Variants in PTK7 observed in about 807,000 individuals in gnomAD.
The protein encoded by PTK7 is inactive tyrosine-protein kinase 7.
A neutral mutation model predicts 116.6 loss-of-function variants in PTK7; 39 were observed. That is an observed-to-expected ratio of 0.33 (90% CI 0.26 to 0.44). PTK7 has a LOEUF of 0.44. Among genes scored for constraint, PTK7 ranks in the 20% least tolerant of loss-of-function variants. The probability of loss-of-function intolerance (pLI) is 1.00; values close to 1 mark genes in which losing one functional copy is unlikely to be tolerated. For synonymous variants in PTK7, 546 were observed against 563.6 expected (o/e 0.97, Z 0.44); for missense variants, 1,169 against 1,425.6 (o/e 0.82, Z 2.90).
chr6:43,138,828 G>A, intron 7 of PTK7, 21 bp from the exon 8 acceptor site: 1 of 1,592,842 alleles, frequency 6.3e-7, no homozygotes. Flanking sequence ...AGCCTTCACT[G>A]TTTCCTTCCT....
At chr6:43,079,091 C>T (rs1766220052) in intron 1 of PTK7, among the ~76,000 whole-genome samples, 1 of 152,084 alleles carries the variant, frequency 6.6e-6, no homozygotes, top group African/African-American at 2.4e-5. Flanking sequence ...GAGTGGTGGA[C>T]AGAGCTCAAG....
intron 17 of PTK7, among the ~76,000 whole-genome samples, chr6:43,156,208 G>A (rs1771414788): frequency 8.2e-6 from 1 of 122,202 alleles, no homozygotes; most frequent in Non-Finnish European, 1.6e-5. Flanking sequence ...CAGCCTGGGT[G>A]ACAGAGCAAT....
chr6:43,154,459 C>T (rs1283613262), intron 17 of PTK7, among the ~76,000 whole-genome samples: 1 of 152,146 alleles, frequency 6.6e-6, no homozygotes, highest in Admixed American at 6.6e-5. Flanking sequence ...CAGTTTGCAT[C>T]ACAACCCAAT....
chr6:43,155,652 A>AT (rs1771383681), intron 17 of PTK7, among the ~76,000 whole-genome samples: 1 of 152,024 alleles, frequency 6.6e-6, no homozygotes, highest in East Asian at 1.9e-4. Flanking sequence ...CATCAAAAAA[A>AT]AAAAAAGTTA....
chr6:43,078,521 A>C (rs1766188882), intron 1 of PTK7, among the ~76,000 whole-genome samples: 1 of 137,016 alleles, frequency 7.3e-6, no homozygotes, highest in Non-Finnish European at 1.5e-5. Context: ...CAGACGCATG[A>C]CTTCAGGGGC....
At chr6:43,081,751 A>G (rs1321837943) in intron 1 of PTK7, among the ~76,000 whole-genome samples, 9 of 152,298 alleles carry the variant, frequency 5.9e-5, no homozygotes, top group African/African-American at 1.9e-4. Flanking sequence ...TGAATGAACC[A>G]TTTGGGTGCA....
Position 43,130,324 on chromosome 6 carries a change from C to G in PTK7, c.565C>G (p.Pro189Ala). 1 of 1,612,734 alleles carries G rather than the reference C, an allele frequency of 6.2e-7. No homozygotes were observed. Among genetic ancestry groups the G allele is most frequent in the South Asian group, 1.1e-5 (1 of 91,036 alleles). ...CAAGGAGCGGAACCTGACGCTCCGG[C>G]CAGCTGGTCCTGAGCATAGTGGGCT... ...SSKERNLTLR[P>A]AGPEHSGLYS... The change falls in exon 4 of 20, where the codon CCA becomes GCA. Residue 189 changes from proline to alanine, a missense_variant. Transcript: ENST00000230419.
Position 43,076,686 on chromosome 6 carries a change from C to T in PTK7, c.79+119C>T. 5.0e-6 allele frequency: 7 copies of T among 1,397,398 alleles called. No homozygotes were observed. Among genetic ancestry groups the T allele is most frequent in the Non-Finnish European group, 4.7e-6 (5 of 1,054,482 alleles). The allele number at this position is 1,397,398 out of a possible 1,614,324, so 86.6% of individuals were successfully genotyped here. A position where few individuals can be genotyped will look rare whatever the true frequency, so the allele number is the denominator to read the frequency against. ...GAACGGCCCTGGAGTAGTGGAGAGG[C>T]TCGCTGGGGGTGCAGGCTTGCGGCG... On this transcript the variant is annotated intron_variant, in intron 1 of 19. Transcript: ENST00000230419. This position sits in a 1 kb window ranked among gnomAD's most constrained non-coding sequence, Gnocchi z 5.7.
In PTK7 at chr6:43,157,354, ATATATATATATTTTTTTTTTTC is replaced by A. The variant is rs1483422010; in HGVS notation, c.2722-1461_2722-1440del. Among the ~76,000 whole-genome samples the A allele has an allele frequency of 5.9e-3, 22 of 3,720 alleles. 2 individuals carry two copies. The highest frequency in any genetic ancestry group is 0.019 in the African/African-American group (20 of 1,056). 2.4% of individuals were successfully genotyped at this position (3,720 alleles called of 152,430 possible). A position where few individuals can be genotyped will look rare whatever the true frequency, so the allele number is the denominator to read the frequency against. On this transcript the variant is annotated intron_variant, in intron 17 of 19. Coordinates refer to ENST00000230419, the MANE Select transcript of PTK7 (RefSeq NM_002821.5). Reference sequence around the variant, plus strand: ...TATATATATATATATATATATATATATATATATATATTTTTTTTTTTCTTTTTTTTTTTTTTTTTTTAATAGA... The same window carrying A: ...TATATATATATATATATATATATATATTTTTTTTTTTTTTTTTTTAATAGA...
chr6:43,107,370 G>A (rs1040537150), intron 1 of PTK7, among the ~76,000 whole-genome samples: 6 of 152,130 alleles, frequency 3.9e-5, no homozygotes, highest in African/African-American at 9.7e-5. Flanking sequence ...ATTTGAAGCC[G>A]GCATCTGTTA....
At chr6:43,138,605 T>G (rs1770189171) in intron 7 of PTK7, 3 of 413,504 alleles carry the variant, frequency 7.3e-6, no homozygotes, top group Non-Finnish European at 1.3e-5. Flanking sequence ...GAGACTGTAG[T>G]GAGCCATAAT....
At position 43,141,753 on chromosome 6, in the gene PTK7, C is replaced by T. The variant is rs142923006; in HGVS notation, c.1704C>T (p.Tyr568=). The change falls in exon 11 of 20, where the codon TAC becomes TAT. Residue 568 remains tyrosine, a synonymous_variant. Transcript: ENST00000230419. The surrounding 1 kb of genome is among the most constrained non-coding windows in gnomAD (Gnocchi z 4.9). ...ARVTRDDAGN[Y]TCIASNGPQG... is the part of the protein sequence containing the mutation. ...TGACTCGAGATGACGCTGGCAACTA[C>T]ACTTGCATTGCCTCCAACGGGCCGC... 14 of 1,614,020 alleles carry T rather than the reference C, an allele frequency of 8.7e-6. No individual in the cohort carries two copies. The African/African-American group carries it at 1.2e-4, about 14-fold the overall frequency.
chr6:43,116,124 T>C (rs967522569), intron 1 of PTK7, among the ~76,000 whole-genome samples: 3 of 152,082 alleles, frequency 2.0e-5, no homozygotes, highest in Non-Finnish European at 4.4e-5. Flanking sequence ...TCTAGTCTTA[T>C]AGGCCTGAGT....
At chr6:43,142,432 A>C in intron 13 of PTK7, 133 bp downstream of exon 13, 1 of 1,347,254 alleles carries the variant, frequency 7.4e-7, no homozygotes, top group Non-Finnish European at 1.0e-6. Context: ...CGGCCGTCTC[A>C]CCATGCTGCT....
At chr6:43,115,323 C>A (rs1196815300) in intron 1 of PTK7, among the ~76,000 whole-genome samples, 1 of 151,376 alleles carries the variant, frequency 6.6e-6, no homozygotes, top group Non-Finnish European at 1.5e-5. Context: ...AAAATATAAA[C>A]TTATTAGGAA....
chr6:43,144,282 C>G (rs777091728), intron 14 of PTK7, 169 bp from the exon 15 acceptor site: 14 of 751,882 alleles, frequency 1.9e-5, no homozygotes, highest in Non-Finnish European at 3.0e-5. Context: ...ATACATCCCC[C>G]ACCCAGCCCC....
chr6:43,122,400 G>T (rs1769014238), intron 1 of PTK7, among the ~76,000 whole-genome samples: 1 of 150,456 alleles, frequency 6.6e-6, no homozygotes, highest in Admixed American at 6.6e-5. Context: ...TCCTCCCCTG[G>T]AACATTTATG....
At chr6:43,110,058 G>A (rs1053115171) in intron 1 of PTK7, among the ~76,000 whole-genome samples, 3 of 147,114 alleles carry the variant, frequency 2.0e-5, no homozygotes, top group Admixed American at 6.9e-5. Context: ...GTGCAGTGGC[G>A]TGATTTTGGC....
At chr6:43,115,230 T>C (rs1368389556) in intron 1 of PTK7, among the ~76,000 whole-genome samples, 1 of 152,098 alleles carries the variant, frequency 6.6e-6, no homozygotes, top group Non-Finnish European at 1.5e-5. Flanking sequence ...TTGGTTATTT[T>C]CCTTAAAAAT....
Sources: allele counts gnomAD v4.1 joint callset (sites outside exome capture counted in the v4.1 genomes callset), GRCh38; gene constraint gnomAD v4.1.1; non-coding constraint Gnocchi (gnomAD v3.1); transcripts MANE v1.5; gene names NCBI Gene and HGNC (gene_info 2026-07-23, HGNC 2026-07-21).